DNAJC15: variants seen among roughly 807,000 people sequenced by gnomAD.
The protein encoded by DNAJC15 is DnaJ heat shock protein family (Hsp40) member C15, also known as dnaJ homolog subfamily C member 15.
In DNAJC15, 27 loss-of-function variants were observed where a neutral mutation model predicts 22.4. That is an observed-to-expected ratio of 1.20 (90% confidence interval 0.89 to 1.66). The LOEUF is 1.66. DNAJC15 is among the 40% of genes most tolerant of loss of function. DNAJC15 has a pLI of 0.00. For missense variants in DNAJC15, 208 were observed against 187.1 expected (o/e 1.11, Z -0.65); for synonymous variants, 79 against 63.2 (o/e 1.25, Z -1.19).
intron 1 of DNAJC15, among the ~76,000 whole-genome samples, chr13:43,024,785 G>T (rs1035694581): frequency 2.0e-5 from 3 of 151,532 alleles, no homozygotes; most frequent in Non-Finnish European, 4.4e-5. Flanking sequence ...TGCCCAAGTG[G>T]TGGTTTAGGC....
At position 43,078,258 on chromosome 13, in the gene DNAJC15, T is replaced by C. The variant is rs142724500; in HGVS notation, c.235-354T>C. 2.4e-4 allele frequency among the ~76,000 whole-genome samples: 36 copies of C among 152,310 alleles called. 1 individual carries two copies. Among genetic ancestry groups the C allele is most frequent in the African/African-American group, 7.7e-4 (32 of 41,582 alleles). ...GGCTAGTGTGGTAGGCTAAACGATG[T>C]CTGCCATATCAACATTAAATGACTT... On this transcript the variant is annotated intron_variant, in intron 3 of 5. Transcript: ENST00000379221.
chr13:43,068,790 C>A (rs1015254213), intron 2 of DNAJC15, 140 bp from the exon 3 acceptor site: 5 of 641,850 alleles, frequency 7.8e-6, no homozygotes, highest in Non-Finnish European at 1.2e-5. Context: ...AAAAAATTGA[C>A]CATCTTTCTG....
At chr13:43,034,604 C>T (rs140886513) in intron 1 of DNAJC15, among the ~76,000 whole-genome samples, 27 of 126,180 alleles carry the variant, frequency 2.1e-4, no homozygotes, top group South Asian at 2.1e-3. Flanking sequence ...CGTGAGCCAC[C>T]GCACCCAGCC....
chr13:43,098,540 G>T (rs1337504462), intron 5 of DNAJC15, among the ~76,000 whole-genome samples: 1 of 152,122 alleles, frequency 6.6e-6, no homozygotes, highest in African/African-American at 2.4e-5. Flanking sequence ...AGATCCCCTT[G>T]TCTCTACATT....
At chr13:43,034,028 C>CA (rs568856935) in intron 1 of DNAJC15, among the ~76,000 whole-genome samples, 12,404 of 108,498 alleles carry the variant, frequency 0.11, 1,592 homozygotes, top group African/African-American at 0.31. Context: ...AACTTCATCT[C>CA]AAAAAAAAAA....
At chr13:43,078,740 A>G in intron 4 of DNAJC15, 52 bp downstream of exon 4, 2 of 1,538,992 alleles carry the variant, frequency 1.3e-6, no homozygotes, top group Non-Finnish European at 1.8e-6. Context: ...CTTGTCTTTA[A>G]AAAAGAGAAA....
chr13:43,085,830 C>CTA lies in DNAJC15; in HGVS notation c.374_375insTA (p.Asp126LysfsTer9), dbSNP rs2040685403. 6.2e-7 allele frequency: 1 copy of CTA among 1,612,826 alleles called. No homozygotes were observed. The highest frequency in any genetic ancestry group is 8.5e-7 in the Non-Finnish European group (1 of 1,179,544). Reference sequence around the variant, plus strand: ...AGGAGAGTCATGATTTTGAATCACCCAGATAAAGGTAGGTAGAATTCCTAT... The same window carrying CTA: ...AGGAGAGTCATGATTTTGAATCACCCTAAGATAAAGGTAGGTAGAATTCCTAT... On this transcript the variant is annotated frameshift_variant, in exon 5 of 6. Transcript: ENST00000379221. LOFTEE classifies it high-confidence loss of function.
chr13:43,024,943 C>G (rs976802677), intron 1 of DNAJC15, among the ~76,000 whole-genome samples: 1 of 138,570 alleles, frequency 7.2e-6, no homozygotes, highest in Non-Finnish European at 1.5e-5. Flanking sequence ...AGCCTGTAGT[C>G]CTAGCTGCTT....
intron 1 of DNAJC15, among the ~76,000 whole-genome samples, chr13:43,059,251 A>C (rs761298951): frequency 2.6e-5 from 4 of 152,172 alleles, no homozygotes; most frequent in Non-Finnish European, 4.4e-5. Context: ...TAAAAACTCA[A>C]GTTTTTATTA....
In DNAJC15 at chr13:43,107,620, T is replaced by G. The variant is rs774077153; in HGVS notation, c.*372T>G. 27 of 156,634 alleles carry G rather than the reference T, an allele frequency of 1.7e-4. No individual in the cohort carries two copies. The highest frequency in any genetic ancestry group is 3.1e-4 in the Non-Finnish European group (22 of 71,130). The allele number at this position is 156,634 out of a possible 1,614,324, so 9.7% of individuals were successfully genotyped here. ...GAGCAATGAGTAGACCTCTTATTGT[T>G]TATATTTGTACCCTCATTGTCAATT... On this transcript the variant is annotated 3_prime_UTR_variant, in exon 6 of 6. Coordinates refer to ENST00000379221, the MANE Select transcript of DNAJC15 (RefSeq NM_013238.3).
At chr13:43,033,102 G>A (rs957983852) in intron 1 of DNAJC15, among the ~76,000 whole-genome samples, 2 of 152,106 alleles carry the variant, frequency 1.3e-5, no homozygotes, top group Admixed American at 6.5e-5. Context: ...AGGGGATGGC[G>A]CTAAACCACC....
rs2040761548 is a variant in DNAJC15, at chr13:43,100,339, C to G, written c.383-6839C>G. 2.0e-5 allele frequency among the ~76,000 whole-genome samples: 3 copies of G among 151,574 alleles called. No homozygotes were observed. The South Asian group carries it at 6.3e-4, about 32-fold the overall frequency. On this transcript the variant is annotated intron_variant, in intron 5 of 5. Coordinates refer to ENST00000379221, the MANE Select transcript of DNAJC15 (RefSeq NM_013238.3). ...CCTTCCACCTTAGCCTCCTGAGTAG[C>G]TGGGACTATAGGCACATGCCACCTT...
chr13:43,034,305 CTTTTTTTTTTTTT>C (rs753362468), intron 1 of DNAJC15, among the ~76,000 whole-genome samples: 2,021 of 60,632 alleles, frequency 0.033, 98 homozygotes, highest in East Asian at 0.19. Context: ...GAGATTTGTC[CTTTTTTTTTTTTT>C]TTTTTTTTTT....
chr13:43,072,423 C>G (rs1163303794), intron 3 of DNAJC15, among the ~76,000 whole-genome samples: 2 of 152,158 alleles, frequency 1.3e-5, no homozygotes, highest in South Asian at 2.1e-4. Flanking sequence ...TGTCTGTCCT[C>G]TATGTCTCTT....
chr13:43,085,935 G>T, intron 5 of DNAJC15, 97 bp downstream of exon 5: 1 of 1,097,288 alleles, frequency 9.1e-7, no homozygotes, highest in Non-Finnish European at 1.3e-6. Flanking sequence ...TGAGATGGAA[G>T]TTTGTGCGCC....
intron 5 of DNAJC15, among the ~76,000 whole-genome samples, chr13:43,097,862 G>A (rs370489570): frequency 6.6e-6 from 1 of 152,134 alleles, no homozygotes; most frequent in Admixed American, 6.5e-5. Flanking sequence ...ACTTGAACCC[G>A]GGAGGCAGAG....
rs368386623 is a variant in DNAJC15 at position 43,100,205 on chromosome 13, C to CTTT, written c.383-6955_383-6953dup. 5.4e-3 allele frequency among the ~76,000 whole-genome samples: 602 copies of CTTT among 110,486 alleles called. 11 individuals are homozygous for CTTT. Among genetic ancestry groups the CTTT allele is most frequent in the South Asian group, 0.012 (36 of 2,984 alleles). 72.5% of individuals were successfully genotyped at this position (110,486 alleles called of 152,430 possible). A position where few individuals can be genotyped will look rare whatever the true frequency, so the allele number is the denominator to read the frequency against. ...AGGTTGAAGGTTAAGTTATTGAAGT[C>CTTT]TTTTTTTTTTTTTTTTTTTTGAAAC... On this transcript the variant is annotated intron_variant, in intron 5 of 5. Transcript: ENST00000379221.
rs1012626369 is a variant in DNAJC15, at chr13:43,041,263, CTGCCTTCAAGCATT to C, written c.108+17546_108+17559del. Among the ~76,000 whole-genome samples the C allele has an allele frequency of 2.0e-4, 30 of 152,308 alleles. No homozygotes were observed. In the East Asian group the frequency reaches 4.6e-3, roughly 23 times the overall value. ...GAGTGGTGATGACTCTTAACCACTG[CTGCCTTCAAGCATT>C]TGCCTTCAAGCATTTGTTTAACAAA... On this transcript the variant is annotated intron_variant, in intron 1 of 5. Transcript: ENST00000379221.
At chr13:43,029,933 C>T (rs1271484990) in intron 1 of DNAJC15, among the ~76,000 whole-genome samples, 1 of 151,962 alleles carries the variant, frequency 6.6e-6, no homozygotes, top group Non-Finnish European at 1.5e-5. Flanking sequence ...AACCAACAGG[C>T]TTGGAGATAA....
Sources: allele counts gnomAD v4.1 joint callset (sites outside exome capture counted in the v4.1 genomes callset), GRCh38; gene constraint gnomAD v4.1.1; transcripts MANE v1.5; gene names NCBI Gene and HGNC (gene_info 2026-07-23, HGNC 2026-07-21).